The following NRXN3 variants were observed in gnomAD, a reference collection of about 807,000 sequenced individuals.
The protein encoded by NRXN3 is neurexin 3, also known as neurexin III.
Under a neutral mutation model 137.6 loss-of-function variants are expected in NRXN3, and 32 were observed. The ratio of observed to expected loss-of-function variants is 0.23; its 90% CI spans 0.18 to 0.31. The LOEUF (loss-of-function observed/expected upper bound fraction) is 0.31, where lower values mean the gene tolerates loss of function less well. NRXN3 is among the 10% of genes least tolerant of loss of function. The pLI is 1.00. For synonymous variants in NRXN3, 798 were observed against 784.5 expected, an observed-to-expected ratio of 1.02 and a Z score of -0.29; for missense variants, 1,574 against 2,062.5, an observed-to-expected ratio of 0.76 and a Z score of 4.59.
At chr14:78,726,738 C>A (rs961993687) in intron 8 of NRXN3, among the ~76,000 whole-genome samples, 1 of 151,714 alleles carries the variant, frequency 6.6e-6, no homozygotes, top group East Asian at 1.9e-4. Context: ...AGGCTGGTCT[C>A]GAACTTGTGA....
At position 79,387,266 on chromosome 14, in the gene NRXN3, A is replaced by T. The variant is rs574357279; in HGVS notation, c.3263-79955A>T. Reference sequence around the variant, plus strand: ...CAAACAAATTTACAAGAAAAAAACAAACAACCCCATCAAAAAGTGGGCAAA... The same window carrying T: ...CAAACAAATTTACAAGAAAAAAACATACAACCCCATCAAAAAGTGGGCAAA... On this transcript the variant is annotated intron_variant, in intron 15 of 20. Transcript: ENST00000335750. Among the ~76,000 whole-genome samples the T allele has an allele frequency of 6.5e-4, 99 of 152,262 alleles. 1 individual carries two copies. Among genetic ancestry groups the T allele is most frequent in the Non-Finnish European group, 1.2e-3 (83 of 67,998 alleles).
At chr14:79,819,695 G>A (rs924600568) in intron 20 of NRXN3, among the ~76,000 whole-genome samples, 5 of 151,874 alleles carry the variant, frequency 3.3e-5, no homozygotes, top group Admixed American at 6.6e-5. Flanking sequence ...ATGTTGGCCA[G>A]ACTGGTCTCG....
chr14:78,915,372 AC>A lies in NRXN3; in HGVS notation c.2276-41868del, dbSNP rs35266232. On this transcript the variant is annotated intron_variant, in intron 10 of 20. Coordinates refer to ENST00000335750, the MANE Select transcript of NRXN3 (RefSeq NM_001330195.2). ...AAAAAAAAAAAAAAAAAAAAAAAAA[AC>A]CACACAGAAAAAAAACAAGCAAGCA... Among the ~76,000 whole-genome samples, 61 of 137,838 alleles carry A rather than the reference AC, an allele frequency of 4.4e-4. 3 individuals carry two copies. The highest frequency in any genetic ancestry group is 1.4e-3 in the African/African-American group (47 of 34,238). The allele number at this position is 137,838 out of a possible 152,430, so 90.4% of individuals were successfully genotyped here.
intron 15 of NRXN3, among the ~76,000 whole-genome samples, chr14:79,111,826 G>T (rs996317317): frequency 1.1e-4 from 17 of 151,810 alleles, no homozygotes; most frequent in African/African-American, 4.1e-4. Flanking sequence ...AAAAAAAATT[G>T]GGAAAAAAGG....
intron 8 of NRXN3, among the ~76,000 whole-genome samples, chr14:78,769,969 AAAG>A (rs1327671449): frequency 5.9e-5 from 9 of 152,094 alleles, no homozygotes; most frequent in African/African-American, 1.9e-4. Flanking sequence ...GAAAAAAAAA[AAAG>A]GCCGCATGGG....
intron 13 of NRXN3, 120 bp downstream of exon 13, chr14:78,967,518 G>T: frequency 1.4e-6 from 1 of 696,296 alleles, no homozygotes; most frequent in Non-Finnish European, 2.4e-6. Context: ...TCCATATCCT[G>T]TTTTAACAAT....
At chr14:78,333,823 A>G (rs569562231) in intron 4 of NRXN3, among the ~76,000 whole-genome samples, 18 of 152,142 alleles carry the variant, frequency 1.2e-4, no homozygotes, top group Non-Finnish European at 2.2e-4. Flanking sequence ...CTGTGTAGAG[A>G]ATCTCTCTTG....
At chr14:78,550,030 CT>C (rs3032366) in intron 4 of NRXN3, among the ~76,000 whole-genome samples, 33,373 of 117,066 alleles carry the variant, frequency 0.29, 3,429 homozygotes, top group African/African-American at 0.32. Context: ...ATTCTGCAAA[CT>C]TTTTTTTTTT....
At chr14:79,624,627 G>A (rs182934448) in intron 16 of NRXN3, among the ~76,000 whole-genome samples, 3 of 148,466 alleles carry the variant, frequency 2.0e-5, no homozygotes, top group Admixed American at 6.6e-5. Context: ...CTAGATATTC[G>A]TTCTACATAA....
chr14:79,057,983 T>G (rs1035648520), intron 15 of NRXN3, among the ~76,000 whole-genome samples: 1 of 152,200 alleles, frequency 6.6e-6, no homozygotes, highest in East Asian at 1.9e-4. Flanking sequence ...AATGGAGAGA[T>G]CAGAGTTAGA....
In NRXN3 at chr14:79,348,463, C is replaced by T. The variant is rs140944425; in HGVS notation, c.3263-118758C>T. 7.8e-3 allele frequency among the ~76,000 whole-genome samples: 1,189 copies of T among 151,720 alleles called. 23 individuals carry two copies. In the South Asian group the frequency reaches 0.079, roughly 10 times the overall value. ...CGATCTCTGCCCACTGCAAGCTCCG[C>T]CTCCCGGGTTCACGCCATTTTCCTG... On this transcript the variant is annotated intron_variant, in intron 15 of 20. Coordinates refer to ENST00000335750, the MANE Select transcript of NRXN3 (RefSeq NM_001330195.2).
At chr14:78,794,090 A>G (rs2098813793) in intron 8 of NRXN3, among the ~76,000 whole-genome samples, 1 of 152,224 alleles carries the variant, frequency 6.6e-6, no homozygotes, top group Non-Finnish European at 1.5e-5. Context: ...AGTTCAAATA[A>G]TAACACCAGA....
intron 15 of NRXN3, among the ~76,000 whole-genome samples, chr14:79,241,119 T>C (rs988752683): frequency 2.0e-5 from 3 of 152,096 alleles, no homozygotes; most frequent in Non-Finnish European, 2.9e-5. Context: ...ATTTACCAGA[T>C]CAGTATTCTT....
At chr14:78,623,985 A>G (rs1283835986) in intron 4 of NRXN3, among the ~76,000 whole-genome samples, 1 of 152,228 alleles carries the variant, frequency 6.6e-6, no homozygotes, top group Non-Finnish European at 1.5e-5. Flanking sequence ...AAGAATAAGT[A>G]AGTGATTAGA....
intron 17 of NRXN3, 43 bp downstream of exon 17, chr14:79,663,992 C>T: frequency 6.3e-7 from 1 of 1,591,296 alleles, no homozygotes; most frequent in Non-Finnish European, 8.6e-7. Context: ...TTTGACTCTC[C>T]CATTCTCACT....
In NRXN3 at chr14:79,861,661, A is replaced by T; in HGVS notation, c.4413A>T (p.Thr1471=). 1 of 1,614,200 alleles carries T rather than the reference A, an allele frequency of 6.2e-7. No individual in the cohort carries two copies. The highest frequency in any genetic ancestry group is 8.5e-7 in the Non-Finnish European group (1 of 1,180,030). ...ITSPMFRNVP[T]ANPTEPGIRR... Reference sequence around the variant, plus strand: ...CCCCCATGTTCCGTAATGTGCCCACAGCAAACCCCACGGAGCCGGGAATCA... The same window carrying T: ...CCCCCATGTTCCGTAATGTGCCCACTGCAAACCCCACGGAGCCGGGAATCA... The change falls in exon 21 of 21, where the codon ACA becomes ACT. Residue 1471 remains threonine (T), a synonymous_variant. Transcript: ENST00000335750. The surrounding 1 kb of genome is among the most constrained non-coding windows in gnomAD (Gnocchi z 5.4).
intron 19 of NRXN3, among the ~76,000 whole-genome samples, chr14:79,705,623 C>T (rs2098774908): frequency 6.6e-6 from 1 of 152,102 alleles, no homozygotes; most frequent in African/African-American, 2.4e-5. Context: ...CCTGAATGTG[C>T]CAAGCGTGCC....
At chr14:78,894,883 GAAAAAAA>G (rs561567362) in intron 10 of NRXN3, among the ~76,000 whole-genome samples, 1 of 134,972 alleles carries the variant, frequency 7.4e-6, no homozygotes, top group Admixed American at 7.4e-5. Context: ...GTAACATTTT[GAAAAAAA>G]AAAAAATCTT....
chr14:79,563,352 G>T (rs2097519147), intron 16 of NRXN3, among the ~76,000 whole-genome samples: 2 of 152,014 alleles, frequency 1.3e-5, no homozygotes, highest in African/African-American at 4.8e-5. Flanking sequence ...CCCTTCACTT[G>T]TGCCCTAAGG....
Sources: allele counts gnomAD v4.1 joint callset (sites outside exome capture counted in the v4.1 genomes callset), GRCh38; gene constraint gnomAD v4.1.1; non-coding constraint Gnocchi (gnomAD v3.1); transcripts MANE v1.5; gene names NCBI Gene and HGNC (gene_info 2026-07-23, HGNC 2026-07-21).